Variants in BEST2 observed in about 807,000 individuals in gnomAD.
The protein encoded by BEST2 is bestrophin 2.
Under a neutral mutation model 49.0 loss-of-function variants are expected in BEST2, and 36 were observed. The observed-to-expected ratio is 0.73, with a 90% CI of 0.56 to 0.97. The LOEUF (loss-of-function observed/expected upper bound fraction) is 0.97. Ranked by LOEUF, BEST2 falls within the 50% of genes least tolerant of loss-of-function variation. The pLI is 0.00. For synonymous variants in BEST2, 335 were observed against 304.4 expected (o/e 1.10, Z -1.05); for missense variants, 672 against 710.0 (o/e 0.95, Z 0.61).
Position 12,758,080 on chromosome 19 carries a change from T to C in BEST2, c.*3T>C, listed in dbSNP as rs115826970. ...AGGAGGAGGAGAATCTGGCCTGAGA[T>C]CTTAGAGCCCAGCCCCCTAAGGACA... On this transcript the variant is annotated 3_prime_UTR_variant, in exon 10 of 10. Coordinates refer to ENST00000553030, the MANE Select transcript of BEST2 (RefSeq NM_017682.3). 1.7e-3 allele frequency: 2,764 copies of C among 1,612,218 alleles called. 54 individuals are homozygous for C. The African/African-American group carries it at 0.032, about 19-fold the overall frequency.
Position 12,754,598 on chromosome 19 carries a change from A to C in BEST2, c.294A>C (p.Leu98=), listed in dbSNP as rs1967913160. The C allele has an allele frequency of 6.4e-7, 1 of 1,564,650 alleles. No individual in the cohort carries two copies. Among genetic ancestry groups the C allele is most frequent in the Admixed American group, 1.8e-5 (1 of 54,716 alleles). Residue 98 remains leucine, a synonymous_variant, in exon 4 of 10, where the codon CTA becomes CTC. Coordinates refer to ENST00000553030, the MANE Select transcript of BEST2 (RefSeq NM_017682.3). The stretch of plus-strand genomic sequence containing the variant: ...TGAACCGCTGGTGGAGCCAGTACCT[A>C]TGCATGCCGCTGCCCGACGCGCTCA... ...LVVNRWWSQY[L]CMPLPDALMC... is the part of the protein sequence containing the mutation.
In BEST2 at chr19:12,758,195, C is replaced by T; in HGVS notation, c.*118C>T. 8.0e-7 allele frequency: 1 copy of T among 1,251,000 alleles called. No individual in the cohort carries two copies. The highest frequency in any genetic ancestry group is 1.1e-6 in the Non-Finnish European group (1 of 906,330). 77.5% of individuals were successfully genotyped at this position (1,251,000 alleles called of 1,614,324 possible). A position where few individuals can be genotyped will look rare whatever the true frequency, so the allele number is the denominator to read the frequency against. ...TGTAAAGTCCACCTACACTTTTGAC[C>T]AGCTCTCGCTGCCCGCATGTGTTTG... On this transcript the variant is annotated 3_prime_UTR_variant, in exon 10 of 10. Transcript: ENST00000553030.
chr19:12,758,157 C>T lies in BEST2; in HGVS notation c.*80C>T, dbSNP rs754443804. On this transcript the variant is annotated 3_prime_UTR_variant, in exon 10 of 10. Coordinates refer to ENST00000553030, the MANE Select transcript of BEST2 (RefSeq NM_017682.3). The stretch of plus-strand genomic sequence containing the variant: ...ACGCAGGTGTCCCGGTCTGCATAAG[C>T]CTCGTGTGCCTTTGTAAAGTCCACC... 10 of 1,474,046 alleles carry T rather than the reference C, an allele frequency of 6.8e-6. No homozygotes were observed. Among genetic ancestry groups the T allele is most frequent in the Non-Finnish European group, 9.2e-6 (10 of 1,088,356 alleles). 91.3% of individuals were successfully genotyped at this position (1,474,046 alleles called of 1,614,324 possible). A position where few individuals can be genotyped will look rare whatever the true frequency, so the allele number is the denominator to read the frequency against.
Position 12,757,758 on chromosome 19 carries a change from T to A in BEST2, c.1211T>A (p.Met404Lys), listed in dbSNP as rs759055479. The A allele has an allele frequency of 1.9e-6, 3 of 1,544,494 alleles. No homozygotes were observed. The highest frequency in any genetic ancestry group is 1.7e-6 in the Non-Finnish European group (2 of 1,146,026). ...LQRLLPAGAGMVAGGPLGRRL... is the reference protein window; with the variant it reads ...LQRLLPAGAGKVAGGPLGRRL... ...CGCCTCCTGCCGGCGGGCGCGGGCA[T>A]GGTCGCGGGAGGCCCGCTGGGCCGG... is the stretch of plus-strand genomic sequence containing the variant. The change falls in exon 10 of 10, where the codon ATG (methionine) becomes AAG (lysine). Residue 404 changes from methionine to lysine, a missense_variant. Met to Lys is a moderately conservative substitution (Grantham distance 95). Transcript: ENST00000553030.
chr19:12,757,687 C>A lies in BEST2; in HGVS notation c.1140C>A (p.Asp380Glu), dbSNP rs1348859638. The A allele has an allele frequency of 9.7e-6, 15 of 1,544,970 alleles. No homozygotes were observed. In the Admixed American group the frequency reaches 2.9e-4, roughly 30 times the overall value. The change falls in exon 10 of 10, where the codon GAC (aspartate) becomes GAA (glutamate). Residue 380 changes from aspartate to glutamate, a missense_variant. Coordinates refer to ENST00000553030, the MANE Select transcript of BEST2 (RefSeq NM_017682.3). ...AAGACATGCAGTTCCAGCGGCTGGA[C>A]GGCTTGGATGGACCGATGGGAGAGG... ...AKEDMQFQRL[D>E]GLDGPMGEAP...
chr19:12,757,749 G>A lies in BEST2; in HGVS notation c.1202G>A (p.Gly401Asp). ...TTCCTGCAGCGCCTCCTGCCGGCGG[G>A]CGCGGGCATGGTCGCGGGAGGCCCG... ...GDFLQRLLPA[G>D]AGMVAGGPLG... Residue 401 changes from glycine to aspartate, a missense_variant, in exon 10 of 10, where the codon GGC (glycine) becomes GAC (aspartate). Around this residue, in one of 3 missense-constraint regions of BEST2, gnomAD observed 291 missense variants for 279.8 expected, o/e 1.04. Transcript: ENST00000553030. The A allele has an allele frequency of 6.5e-7, 1 of 1,544,234 alleles. No individual in the cohort carries two copies. Among genetic ancestry groups the A allele is most frequent in the Non-Finnish European group, 8.7e-7 (1 of 1,146,150 alleles).
chr19:12,757,599 C>G, intron 9 of BEST2, 52 bp from the exon 10 acceptor site: 1 of 1,506,616 alleles, frequency 6.6e-7, no homozygotes. Flanking sequence ...TGGGACCCTG[C>G]TCTGTCAACA....
chr19:12,757,963 C>T lies in BEST2; in HGVS notation c.1416C>T (p.Thr472=), dbSNP rs755226657. The change falls in exon 10 of 10, where the codon ACC becomes ACT. Residue 472 remains threonine, a synonymous_variant. Transcript: ENST00000553030. ...CCCCTGCGGGTCCCGAACCGCTTAC[C>T]CTCATCCCTGGGCCTGTCGAGCCCT... ...APPPAGPEPL[T]LIPGPVEPFS... The T allele has an allele frequency of 2.5e-6, 4 of 1,606,706 alleles. No homozygotes were observed. Among genetic ancestry groups the T allele is most frequent in the East Asian group, 2.2e-5 (1 of 44,678 alleles).
chr19:12,757,825 G>A lies in BEST2; in HGVS notation c.1278G>A (p.Glu426=), dbSNP rs1445236583. Residue 426 remains glutamate (E), a synonymous_variant, in exon 10 of 10, where the codon GAG becomes GAA. Coordinates refer to ENST00000553030, the MANE Select transcript of BEST2 (RefSeq NM_017682.3). ...TCCGCAAGAACAGCTGCGTGTCGGA[G>A]GCGTCTACTGGGGCCAGCTGCTCAT... ...FLLRKNSCVS[E]ASTGASCSCA... 4 of 1,548,972 alleles carry A rather than the reference G, an allele frequency of 2.6e-6. No homozygotes were observed. In the African/African-American group the frequency reaches 5.5e-5, roughly 21 times the overall value.
In BEST2 at chr19:12,755,279, C is replaced by A; in HGVS notation, c.637-100C>A. On this transcript the variant is annotated intron_variant, in intron 5 of 9. Transcript: ENST00000553030. This position sits in a 1 kb window ranked among gnomAD's most constrained non-coding sequence, Gnocchi z 4.4. ...GAACCCCCAAAGCACACTCCCAATT[C>A]CCACCAGGTGACCACCCACCTCCAT... 1 of 1,303,888 alleles carries A rather than the reference C, an allele frequency of 7.7e-7. No homozygotes were observed. Among genetic ancestry groups the A allele is most frequent in the Non-Finnish European group, 1.1e-6 (1 of 908,162 alleles). The allele number at this position is 1,303,888 out of a possible 1,614,324, so 80.8% of individuals were successfully genotyped here.
At chr19:12,753,904 C>A (rs930403282) in intron 3 of BEST2, among the ~76,000 whole-genome samples, 1 of 151,924 alleles carries the variant, frequency 6.6e-6, no homozygotes, top group African/African-American at 2.4e-5. Flanking sequence ...CAAACCAGGC[C>A]CCTCTCCCCT....
intron 9 of BEST2, chr19:12,756,549 A>T (rs1967946542): frequency 1.9e-6 from 1 of 521,910 alleles, no homozygotes; most frequent in Admixed American, 3.3e-5. Flanking sequence ...ATTCCAAAGG[A>T]GATGAGGGCT....
Position 12,755,569 on chromosome 19 carries a change from C to A in BEST2, c.715-46C>A, listed in dbSNP as rs75190492. The A allele has an allele frequency of 2.2e-3, 3,536 of 1,609,240 alleles. 75 individuals carry two copies. In the African/African-American group the frequency reaches 0.041, roughly 19 times the overall value. ...CCATCATAATGATGCCTAATCCTAGCCTTGGACCCCAATGACCCCCCTGAG... is the reference window on the plus strand; with the variant it reads ...CCATCATAATGATGCCTAATCCTAGACTTGGACCCCAATGACCCCCCTGAG... On this transcript the variant is annotated intron_variant, in intron 6 of 9. Transcript: ENST00000553030. The surrounding 1 kb of genome is among the most constrained non-coding windows in gnomAD (Gnocchi z 4.4).
At chr19:12,753,460 C>A in intron 3 of BEST2, 106 bp downstream of exon 3, 1 of 1,059,018 alleles carries the variant, frequency 9.4e-7, no homozygotes, top group Non-Finnish European at 1.4e-6. Context: ...TCCCCCCCCT[C>A]AAATCCAACC....
intron 1 of BEST2, 143 bp from the exon 2 acceptor site, chr19:12,752,399 G>A: frequency 1.8e-6 from 1 of 547,324 alleles, no homozygotes; most frequent in Non-Finnish European, 3.3e-6. Context: ...TCAGGGAGGG[G>A]CACTGGGGGC....
At position 12,753,317 on chromosome 19, in the gene BEST2, C is replaced by T; in HGVS notation, c.210C>T (p.Asp70=). 2 of 1,614,144 alleles carry T rather than the reference C, an allele frequency of 1.2e-6. No homozygotes were observed. The highest frequency in any genetic ancestry group is 1.7e-6 in the Non-Finnish European group (2 of 1,180,010). ...TCGAGAAGCTTGTGATTTATTGTGA[C>T]CAGTATGCCAGCCTCATCCCTGTCT... ...RYFEKLVIYC[D]QYASLIPVSF... The change falls in exon 3 of 10, where the codon GAC becomes GAT. Residue 70 remains aspartate, a synonymous_variant. Coordinates refer to ENST00000553030, the MANE Select transcript of BEST2 (RefSeq NM_017682.3).
At position 12,755,052 on chromosome 19, in the gene BEST2, A is replaced by G. The variant is rs1253885452; in HGVS notation, c.636+21A>G. The G allele has an allele frequency of 2.5e-6, 4 of 1,581,898 alleles. No homozygotes were observed. Among genetic ancestry groups the G allele is most frequent in the Non-Finnish European group, 3.4e-6 (4 of 1,167,838 alleles). ...TCGAGGTGGGCCCAACCAGGAGGTC[A>G]TTCATATAGAATACCAGGGAAATTG... On this transcript the variant is annotated intron_variant, in intron 5 of 9. Coordinates refer to ENST00000553030, the MANE Select transcript of BEST2 (RefSeq NM_017682.3). This position sits in a 1 kb window ranked among gnomAD's most constrained non-coding sequence, Gnocchi z 4.4.
Position 12,755,820 on chromosome 19 carries a change from C to T in BEST2, c.868-35C>T, listed in dbSNP as rs1190452649. 1 of 1,613,808 alleles carries T rather than the reference C, an allele frequency of 6.2e-7. No individual in the cohort carries two copies. The highest frequency in any genetic ancestry group is 8.5e-7 in the Non-Finnish European group (1 of 1,179,768). ...CGTGGGTGGGGCGGGCATGGGGTTC[C>T]CAAGTTTCCACCTAACTGCTCCCTC... On this transcript the variant is annotated intron_variant, in intron 7 of 9. Coordinates refer to ENST00000553030, the MANE Select transcript of BEST2 (RefSeq NM_017682.3). The surrounding 1 kb of genome is among the most constrained non-coding windows in gnomAD (Gnocchi z 4.4).
chr19:12,756,246 G>A lies in BEST2; in HGVS notation c.1054G>A (p.Val352Ile). 6.2e-7 allele frequency: 1 copy of A among 1,614,094 alleles called. No homozygotes were observed. Among genetic ancestry groups the A allele is most frequent in the Non-Finnish European group, 8.5e-7 (1 of 1,180,046 alleles). ...TCGCGCCCCATACACAGCGGCTACTGTCTTCCAGCTGCGGCAGCCTTCCTT... is the reference window on the plus strand; with the variant it reads ...TCGCGCCCCATACACAGCGGCTACTATCTTCCAGCTGCGGCAGCCTTCCTT... ...EARAPYTAAT[V>I]FQLRQPSFQG... The change falls in exon 9 of 10, where the codon GTC becomes ATC. Residue 352 changes from valine (V) to isoleucine (I), a missense_variant. Transcript: ENST00000553030.
Sources: gnomAD v4.1 joint callset for allele counts (sites outside exome capture counted in the v4.1 genomes callset) on GRCh38, gnomAD v4.1.1 for gene constraint, gnomAD v4.1.1 regional missense constraint, Gnocchi (gnomAD v3.1) non-coding constraint, MANE v1.5 for transcripts, NCBI Gene and HGNC (gene_info 2026-07-23, HGNC 2026-07-21) for gene names.